The following PCDHGB3 variants were observed in gnomAD, a reference collection of about 807,000 sequenced individuals.
PCDHGB3 encodes protocadherin gamma subfamily B, 3, also known as protocadherin gamma-B3.
Under a neutral mutation model 59.2 loss-of-function variants are expected in PCDHGB3, and 40 were observed. That is an observed-to-expected ratio of 0.68 (90% CI 0.52 to 0.88). PCDHGB3 has a LOEUF of 0.88. Ranked by LOEUF, PCDHGB3 falls within the 40% of genes least tolerant of loss-of-function variation. The pLI is 0.00. For synonymous variants in PCDHGB3, 581 were observed against 503.6 expected, an observed-to-expected ratio of 1.15 and a Z score of -2.06; for missense variants, 1,309 against 1,187.9, an observed-to-expected ratio of 1.10 and a Z score of -1.50.
chr5:141,383,111 G>A (rs1778825572), intron 1 of PCDHGB3: 3 of 1,614,040 alleles, frequency 1.9e-6, no homozygotes, highest in Non-Finnish European at 2.5e-6. Context: ...TCCAGAGGTA[G>A]GACGCAGCTT....
At chr5:141,408,623 G>C in intron 1 of PCDHGB3, 1 of 1,614,004 alleles carries the variant, frequency 6.2e-7, no homozygotes, top group Non-Finnish European at 8.5e-7. Flanking sequence ...AATACATTTA[G>C]AAATTTTCGA....
intron 1 of PCDHGB3, chr5:141,403,391 G>GT (rs2154533404): frequency 1.2e-6 from 2 of 1,614,046 alleles, no homozygotes; most frequent in Admixed American, 3.3e-5. Flanking sequence ...CGAAATCGCG[G>GT]TTCCTGGAGC....
chr5:141,370,529 G>T lies in PCDHGB3; in HGVS notation c.135G>T (p.Ser45=), dbSNP rs767611078. ...YAIPEELDRG[S]LVGNLAKDLG... ...TTCCCGAGGAGCTGGACAGGGGCTCGCTGGTAGGGAACCTCGCCAAGGACC... is the reference window on the plus strand; with the variant it reads ...TTCCCGAGGAGCTGGACAGGGGCTCTCTGGTAGGGAACCTCGCCAAGGACC... The change falls in exon 1 of 4, where the codon TCG becomes TCT. Residue 45 remains serine, a synonymous_variant. Coordinates refer to ENST00000576222, the MANE Select transcript of PCDHGB3 (RefSeq NM_018924.5). 2.5e-6 allele frequency: 4 copies of T among 1,613,824 alleles called. No homozygotes were observed. The highest frequency in any genetic ancestry group is 1.1e-5 in the South Asian group (1 of 91,092).
chr5:141,455,502 A>G (rs888549465), intron 1 of PCDHGB3, among the ~76,000 whole-genome samples: 12 of 152,206 alleles, frequency 7.9e-5, no homozygotes, highest in African/African-American at 2.7e-4. Flanking sequence ...TCTGATTTGC[A>G]TAGGGCTCAG....
rs550161736 is a variant in PCDHGB3, at chr5:141,427,826, G to T, written c.2415+55017G>T. ...GCGCACAGAGCGGGGTGGTGGTCGCGCAGCGTGCCTTCGACCACGAGCAGC... is the reference window on the plus strand; with the variant it reads ...GCGCACAGAGCGGGGTGGTGGTCGCTCAGCGTGCCTTCGACCACGAGCAGC... On this transcript the variant is annotated intron_variant, in intron 1 of 3. Coordinates refer to ENST00000576222, the MANE Select transcript of PCDHGB3 (RefSeq NM_018924.5). The T allele has an allele frequency of 2.6e-6, 4 of 1,536,502 alleles. No individual in the cohort carries two copies. The East Asian group carries it at 6.8e-5, about 26-fold the overall frequency.
chr5:141,372,024 G>C lies in PCDHGB3; in HGVS notation c.1630G>C (p.Ala544Pro), dbSNP rs756350888. ...CGACCAGGGCTCGCCTACGCTCAGC[G>C]CCAACGTGAGCCTGCGCGTGTTGGT... ...ARDQGSPTLS[A>P]NVSLRVLVDD... Residue 544 changes from alanine (A) to proline (P), a missense_variant, in exon 1 of 4, where the codon GCC becomes CCC. Transcript: ENST00000576222. 6.2e-7 allele frequency: 1 copy of C among 1,613,384 alleles called. No homozygotes were observed. The highest frequency in any genetic ancestry group is 2.2e-5 in the East Asian group (1 of 44,878).
chr5:141,480,225 G>A (rs1217912404), intron 1 of PCDHGB3, among the ~76,000 whole-genome samples: 1 of 147,152 alleles, frequency 6.8e-6, no homozygotes, highest in East Asian at 2.0e-4. Flanking sequence ...GCGACATAGT[G>A]AGATCCTGTC....
chr5:141,457,413 A>C (rs939244132), intron 1 of PCDHGB3, among the ~76,000 whole-genome samples: 6 of 152,142 alleles, frequency 3.9e-5, no homozygotes, highest in Non-Finnish European at 5.9e-5. Flanking sequence ...CACATTACCC[A>C]TCCCTTTTTC....
intron 1 of PCDHGB3, among the ~76,000 whole-genome samples, chr5:141,448,115 T>A (rs62379166): frequency 0.025 from 3,743 of 151,768 alleles, 65 homozygotes; most frequent in Middle Eastern, 0.086. Flanking sequence ...GAAAAGAAAA[T>A]TAGCCTCCCC....
chr5:141,379,773 T>C (rs575153200), intron 1 of PCDHGB3: 2 of 152,144 alleles, frequency 1.3e-5, no homozygotes, highest in South Asian at 2.1e-4. Flanking sequence ...ATACAGATCA[T>C]TAATAATAAG....
At chr5:141,494,902 C>A (rs2099757367) in intron 2 of PCDHGB3, 37 bp downstream of exon 2, 1 of 1,614,024 alleles carries the variant, frequency 6.2e-7, no homozygotes, top group East Asian at 2.2e-5. Context: ...CTCTTCTCTG[C>A]GGCATTTTCT....
At chr5:141,389,250 A>G (rs1365678326) in intron 1 of PCDHGB3, 16 of 1,614,012 alleles carry the variant, frequency 9.9e-6, no homozygotes, top group Middle Eastern at 1.6e-4. Flanking sequence ...GTCTTCCTAT[A>G]TAGTCCACGT....
intron 1 of PCDHGB3, chr5:141,423,265 G>T: frequency 6.2e-7 from 1 of 1,613,666 alleles, no homozygotes; most frequent in Non-Finnish European, 8.5e-7. Flanking sequence ...CGGCAGCCTC[G>T]AGTCTCTGGC....
chr5:141,386,433 T>C (rs1214742071), intron 1 of PCDHGB3, among the ~76,000 whole-genome samples: 1 of 152,144 alleles, frequency 6.6e-6, no homozygotes, highest in African/African-American at 2.4e-5. Context: ...CCCACCTGCA[T>C]GGGAGGCTGA....
chr5:141,399,465 G>A, intron 1 of PCDHGB3: 1 of 1,614,014 alleles, frequency 6.2e-7, no homozygotes, highest in Non-Finnish European at 8.5e-7. Context: ...ATAACGCTCC[G>A]GTTTTCCACC....
chr5:141,413,024 C>A, intron 1 of PCDHGB3: 2 of 736,250 alleles, frequency 2.7e-6, no homozygotes, highest in Non-Finnish European at 4.2e-6. Flanking sequence ...ACAAGCCCCA[C>A]AAACCGGCTG....
chr5:141,508,270 G>C lies in PCDHGB3; in HGVS notation c.2564-2677G>C, dbSNP rs547745015. On this transcript the variant is annotated intron_variant, in intron 3 of 3. Coordinates refer to ENST00000576222, the MANE Select transcript of PCDHGB3 (RefSeq NM_018924.5). Reference sequence around the variant, plus strand: ...TCTCCTGGGACCAAGAGAAAATCCCGGTCCTTGACCAAGGTGGGCCTTGGG... The same window carrying C: ...TCTCCTGGGACCAAGAGAAAATCCCCGTCCTTGACCAAGGTGGGCCTTGGG... 4 of 152,228 alleles carry C rather than the reference G, an allele frequency of 2.6e-5. No individual in the cohort carries two copies. The East Asian group carries it at 7.7e-4, about 29-fold the overall frequency. 9.4% of individuals were successfully genotyped at this position (152,228 alleles called of 1,614,324 possible). A position where few individuals can be genotyped will look rare whatever the true frequency, so the allele number is the denominator to read the frequency against.
At position 141,476,632 on chromosome 5, in the gene PCDHGB3, T is replaced by A. The variant is rs994726301; in HGVS notation, c.2416-18175T>A. ...TGGGAAGCAACTCTTTACAAACCTATGAGCTGAGCCGAAATGAATACTTTG... is the reference window on the plus strand; with the variant it reads ...TGGGAAGCAACTCTTTACAAACCTAAGAGCTGAGCCGAAATGAATACTTTG... On this transcript the variant is annotated intron_variant, in intron 1 of 3. Transcript: ENST00000576222. The surrounding 1 kb of genome is among the most constrained non-coding windows in gnomAD (Gnocchi z 7.6). 1 of 1,614,216 alleles carries A rather than the reference T, an allele frequency of 6.2e-7. No individual in the cohort carries two copies. The highest frequency in any genetic ancestry group is 8.5e-7 in the Non-Finnish European group (1 of 1,180,028).
rs1561856520 is a variant in PCDHGB3 at position 141,431,983 on chromosome 5, A to C, written c.2415+59174A>C. 3.1e-6 allele frequency: 5 copies of C among 1,614,242 alleles called. No homozygotes were observed. Among genetic ancestry groups the C allele is most frequent in the Non-Finnish European group, 4.2e-6 (5 of 1,180,036 alleles). ...ATTACTATAGTTTAGTCACAGACAT[A>C]GTCTTGGATAGGGAACAGGTTCCTA... On this transcript the variant is annotated intron_variant, in intron 1 of 3. Coordinates refer to ENST00000576222, the MANE Select transcript of PCDHGB3 (RefSeq NM_018924.5). The surrounding 1 kb of genome is among the most constrained non-coding windows in gnomAD (Gnocchi z 4.8).
Sources: gnomAD v4.1 joint callset for allele counts (sites outside exome capture counted in the v4.1 genomes callset) on GRCh38, gnomAD v4.1.1 for gene constraint, Gnocchi (gnomAD v3.1) non-coding constraint, MANE v1.5 for transcripts, NCBI Gene and HGNC (gene_info 2026-07-23, HGNC 2026-07-21) for gene names.